The following EMC2 variants were observed in gnomAD, a reference collection of about 807,000 sequenced individuals.
The protein encoded by EMC2 is ER membrane protein complex subunit 2, also known as TPR repeat protein 35.
Under a neutral mutation model 51.6 loss-of-function variants are expected in EMC2, and 37 were observed. The ratio of observed to expected loss-of-function variants is 0.72; its 90% CI spans 0.55 to 0.94. EMC2 has a LOEUF of 0.94. EMC2 is among the 40% of genes least tolerant of loss of function. The probability of loss-of-function intolerance (pLI) is 0.00; values close to 1 mark genes in which losing one functional copy is unlikely to be tolerated. For synonymous variants in EMC2, 131 were observed against 112.4 expected, an observed-to-expected ratio of 1.17 and a Z score of -1.04; for missense variants, 359 against 350.9, an observed-to-expected ratio of 1.02 and a Z score of -0.18.
rs185244060 is a variant in EMC2, at chr8:108,464,462, A to G, written c.364-5364A>G. ...GTGCCAGCAAAGCCTCCTCCTGGCA[A>G]TTCTGGGTGGGGATGATGTCTGGGC... On this transcript the variant is annotated intron_variant, in intron 5 of 10. Coordinates refer to ENST00000220853, the MANE Select transcript of EMC2 (RefSeq NM_014673.5). Among the ~76,000 whole-genome samples, 127 of 152,238 alleles carry G rather than the reference A, an allele frequency of 8.3e-4. 1 individual carries two copies. Among genetic ancestry groups the G allele is most frequent in the Middle Eastern group, 3.4e-3 (1 of 294 alleles).
At chr8:108,480,985 G>A (rs1017498085) in intron 10 of EMC2, among the ~76,000 whole-genome samples, 2 of 152,078 alleles carry the variant, frequency 1.3e-5, no homozygotes, top group African/African-American at 2.4e-5. Flanking sequence ...TTCATAATTT[G>A]TTTGGTTTTT....
In EMC2 at chr8:108,489,021, C is replaced by G. The variant is rs552770244; in HGVS notation, c.*2423C>G. On this transcript the variant is annotated 3_prime_UTR_variant, in exon 11 of 11. Coordinates refer to ENST00000220853, the MANE Select transcript of EMC2 (RefSeq NM_014673.5). ...TAAAGGTGCAGCTGCCATCAAACAA[C>G]CATGAAACAGCAAATGTGAGAATGA... 2.0e-5 allele frequency among the ~76,000 whole-genome samples: 3 copies of G among 152,276 alleles called. No individual in the cohort carries two copies. In the South Asian group the frequency reaches 6.2e-4, roughly 32 times the overall value.
intron 7 of EMC2, chr8:108,474,640 G>T (rs187910663): frequency 6.6e-6 from 1 of 151,812 alleles, no homozygotes; most frequent in African/African-American, 2.4e-5. Flanking sequence ...AATCTGCAGG[G>T]TGTATTTTTT....
chr8:108,447,086 CAATT>C (rs1188795945), intron 1 of EMC2, among the ~76,000 whole-genome samples: 1 of 152,072 alleles, frequency 6.6e-6, no homozygotes, highest in Non-Finnish European at 1.5e-5. Flanking sequence ...AACTCATACT[CAATT>C]AAGTATACCT....
Position 108,461,969 on chromosome 8 carries a change from C to T in EMC2, c.363+6039C>T, listed in dbSNP as rs145687229. On this transcript the variant is annotated intron_variant, in intron 5 of 10. Coordinates refer to ENST00000220853, the MANE Select transcript of EMC2 (RefSeq NM_014673.5). ...GACTACAGGCACGTGCCACCATGCC[C>T]AGCTAATTTTTGTATTTTTAGTAGA... Among the ~76,000 whole-genome samples, 464 of 152,134 alleles carry T rather than the reference C, an allele frequency of 3.0e-3. 4 individuals are homozygous for T. The highest frequency in any genetic ancestry group is 0.011 in the African/African-American group (444 of 41,494).
intron 10 of EMC2, among the ~76,000 whole-genome samples, chr8:108,481,623 G>A (rs751757555): frequency 5.3e-5 from 8 of 151,982 alleles, no homozygotes; most frequent in Admixed American, 1.3e-4. Flanking sequence ...AATTATAACA[G>A]AAAAAAGGAT....
rs192996587 is a variant in EMC2, at chr8:108,472,662, T to A, written c.509+2541T>A. Reference sequence around the variant, plus strand: ...GTTCACTTGATTCATTTGACATGTTTGAGCAAGTCATTATAGGAGGCAGGA... The same window carrying A: ...GTTCACTTGATTCATTTGACATGTTAGAGCAAGTCATTATAGGAGGCAGGA... On this transcript the variant is annotated intron_variant, in intron 7 of 10. Transcript: ENST00000220853. Among the ~76,000 whole-genome samples the A allele has an allele frequency of 1.3e-4, 20 of 152,064 alleles. No individual in the cohort carries two copies. The East Asian group carries it at 2.9e-3, about 22-fold the overall frequency.
chr8:108,443,868 G>C (rs1455288743), intron 1 of EMC2, among the ~76,000 whole-genome samples, 170 bp downstream of exon 1: 1 of 152,180 alleles, frequency 6.6e-6, no homozygotes, highest in Non-Finnish European at 1.5e-5. Flanking sequence ...CCTTGGCCCG[G>C]ACGCGTACTC....
chr8:108,443,647 G>C lies in EMC2; in HGVS notation c.-12G>C. ...CCGCCCTCTCACCCCGCTGCCTCTA[G>C]GTTCTGGGAAGATGGCGAAGGTCTC... On this transcript the variant is annotated 5_prime_UTR_variant, in exon 1 of 11. Coordinates refer to ENST00000220853, the MANE Select transcript of EMC2 (RefSeq NM_014673.5). 6.2e-7 allele frequency: 1 copy of C among 1,607,956 alleles called. No individual in the cohort carries two copies. Among genetic ancestry groups the C allele is most frequent in the Non-Finnish European group, 8.5e-7 (1 of 1,177,056 alleles).
In EMC2 at chr8:108,450,379, T is replaced by C. The variant is rs751244391; in HGVS notation, c.155-49T>C. 3 of 1,058,104 alleles carry C rather than the reference T, an allele frequency of 2.8e-6. No homozygotes were observed. In the South Asian group the frequency reaches 3.9e-5, roughly 14 times the overall value. The allele number at this position is 1,058,104 out of a possible 1,614,324, so 65.5% of individuals were successfully genotyped here. ...TAGAATTCATTAATTTCCATTTGGGTTTGTTTTAATATTAAATTCAGTTTT... is the reference window on the plus strand; with the variant it reads ...TAGAATTCATTAATTTCCATTTGGGCTTGTTTTAATATTAAATTCAGTTTT... On this transcript the variant is annotated intron_variant, in intron 2 of 10. Coordinates refer to ENST00000220853, the MANE Select transcript of EMC2 (RefSeq NM_014673.5).
At chr8:108,458,156 TC>T (rs1420818313) in intron 5 of EMC2, among the ~76,000 whole-genome samples, 3 of 152,232 alleles carry the variant, frequency 2.0e-5, no homozygotes, top group African/African-American at 7.2e-5. Context: ...GGAGGTGGAT[TC>T]CTATGGTCTT....
intron 5 of EMC2, among the ~76,000 whole-genome samples, chr8:108,468,520 A>G (rs1563698164): frequency 1.3e-5 from 2 of 151,946 alleles, no homozygotes; most frequent in African/African-American, 4.8e-5. Context: ...TCATTTTTTA[A>G]TTACCCAAAA....
At chr8:108,461,834 T>A (rs1454805434) in intron 5 of EMC2, among the ~76,000 whole-genome samples, 2 of 151,752 alleles carry the variant, frequency 1.3e-5, no homozygotes, top group African/African-American at 4.8e-5. Context: ...GGGAAGCACT[T>A]TTTTTTTATT....
chr8:108,478,700 T>C (rs1228807784), intron 9 of EMC2, among the ~76,000 whole-genome samples: 2 of 151,948 alleles, frequency 1.3e-5, no homozygotes, highest in African/African-American at 4.8e-5. Context: ...AGTGTTCTTC[T>C]AGAGCTTCTT....
intron 10 of EMC2, among the ~76,000 whole-genome samples, chr8:108,485,856 AG>A (rs1811128694): frequency 6.6e-6 from 1 of 151,776 alleles, no homozygotes; most frequent in Admixed American, 6.6e-5. Context: ...AATCCCAATT[AG>A]TTTTATAATG....
intron 10 of EMC2, among the ~76,000 whole-genome samples, 188 bp from the exon 11 acceptor site, chr8:108,486,324 A>C (rs763297178): frequency 7.9e-5 from 12 of 151,912 alleles, no homozygotes; most frequent in Non-Finnish European, 1.2e-4. Context: ...AGCTGAAGGT[A>C]AGACCTTAAA....
chr8:108,479,780 A>G (rs1220838121), intron 10 of EMC2, among the ~76,000 whole-genome samples: 1 of 152,054 alleles, frequency 6.6e-6, no homozygotes, highest in Non-Finnish European at 1.5e-5. Context: ...TGTTTTTAAT[A>G]TAGACGAGAT....
intron 5 of EMC2, among the ~76,000 whole-genome samples, chr8:108,465,760 T>A (rs1256052938): frequency 6.6e-6 from 1 of 152,216 alleles, no homozygotes; most frequent in Admixed American, 6.5e-5. Flanking sequence ...AAAAATGTAA[T>A]TATTAGCATT....
At position 108,487,456 on chromosome 8, in the gene EMC2, A is replaced by C. The variant is rs1811163457; in HGVS notation, c.*858A>C. The stretch of plus-strand genomic sequence containing the variant: ...CCTATTCTATCATTACCTTAGTTAG[A>C]ATTTTTTATTTTTCTCTTTTCATAA... On this transcript the variant is annotated 3_prime_UTR_variant, in exon 11 of 11. Coordinates refer to ENST00000220853, the MANE Select transcript of EMC2 (RefSeq NM_014673.5). Among the ~76,000 whole-genome samples, 1 of 151,922 alleles carries C rather than the reference A, an allele frequency of 6.6e-6. No homozygotes were observed. Among genetic ancestry groups the C allele is most frequent in the Non-Finnish European group, 1.5e-5 (1 of 67,956 alleles).
Sources: gnomAD v4.1 joint callset for allele counts (sites outside exome capture counted in the v4.1 genomes callset) on GRCh38, gnomAD v4.1.1 for gene constraint, MANE v1.5 for transcripts, NCBI Gene and HGNC (gene_info 2026-07-23, HGNC 2026-07-21) for gene names.